PDLIM2: variants seen among roughly 807,000 people sequenced by gnomAD.
PDLIM2 encodes PDZ and LIM domain 2, also known as PDZ and LIM domain protein 2.
In PDLIM2, 51 loss-of-function variants were observed where a neutral mutation model predicts 54.1. That is an observed-to-expected ratio of 0.94 (90% confidence interval 0.75 to 1.19). The LOEUF (loss-of-function observed/expected upper bound fraction) is 1.19. Ranked by LOEUF, PDLIM2 falls within the 50% of genes most tolerant of loss-of-function variation. The pLI is 0.00. For missense variants in PDLIM2, 912 were observed against 874.0 expected, an observed-to-expected ratio of 1.04 and a Z score of -0.55; for synonymous variants, 398 against 385.6, an observed-to-expected ratio of 1.03 and a Z score of -0.38.
At chr8:22,589,113 C>T (rs932470313) in intron 6 of PDLIM2, 185 bp from the exon 6 acceptor site, 7 of 511,768 alleles carry the variant, frequency 1.4e-5, no homozygotes, top group Admixed American at 1.4e-4. Context: ...GCAGGGGGCC[C>T]GCTGGTCGGC....
chr8:22,593,952 C>G, exon 10 of PDLIM2: 1 of 1,534,164 alleles, frequency 6.5e-7, no homozygotes, highest in Admixed American at 2.0e-5. Flanking sequence ...GGGCCAGGGT[C>G]ATGCCTATAT....
chr8:22,579,676 C>A, intron 1 of PDLIM2: 1 of 989,728 alleles, frequency 1.0e-6, no homozygotes, highest in Non-Finnish European at 1.4e-6. Context: ...TCTCGCAGCA[C>A]TTGCGTCCCC....
intron 6 of PDLIM2, chr8:22,588,911 C>G (rs1800451323): frequency 3.3e-6 from 1 of 303,118 alleles, no homozygotes; most frequent in South Asian, 3.7e-5. Context: ...TTCCTCTCTG[C>G]TGGTTCCGTG....
chr8:22,594,747 C>A, downstream of PDLIM2: 2 of 1,481,600 alleles, frequency 1.3e-6, no homozygotes, highest in Non-Finnish European at 1.8e-6. Flanking sequence ...CTGGGAGAGA[C>A]TGCTGGCTTC....
At chr8:22,591,855 G>C in intron 9 of PDLIM2, 187 bp downstream of exon 8, 4 of 527,988 alleles carry the variant, frequency 7.6e-6, no homozygotes, top group Non-Finnish European at 1.3e-5. Flanking sequence ...TAGGAGCCTA[G>C]GCTAGCTGCT....
At position 22,589,581 on chromosome 8, in the gene PDLIM2, C is replaced by A; in HGVS notation, c.1368-15C>A. 1 of 1,599,436 alleles carries A rather than the reference C, an allele frequency of 6.3e-7. No homozygotes were observed. Among genetic ancestry groups the A allele is most frequent in the Non-Finnish European group, 8.5e-7 (1 of 1,173,554 alleles). On this transcript the variant is annotated splice_polypyrimidine_tract_variant and intron_variant, in intron 7 of 9. Coordinates refer to ENST00000308354, the Ensembl canonical transcript of PDLIM2. ...GGCACGGGACCCTCATTCCTGGCTG[C>A]CTCCCACCCTGCAGCATGGACTCGG... is the stretch of plus-strand genomic sequence containing the variant.
exon 1 of PDLIM2, chr8:22,579,177 C>G (rs1800116414): frequency 1.5e-6 from 2 of 1,366,530 alleles, no homozygotes; most frequent in Non-Finnish European, 1.9e-6. Flanking sequence ...CCCGCCTTCC[C>G]TCCCTCCCGG....
exon 1 of PDLIM2, chr8:22,579,177 C>A: frequency 7.3e-7 from 1 of 1,366,530 alleles, no homozygotes; most frequent in Non-Finnish European, 9.4e-7. Context: ...CCCGCCTTCC[C>A]TCCCTCCCGG....
intron 2 of PDLIM2, 174 bp from the exon 2 acceptor site, chr8:22,581,205 C>T (rs536390377): frequency 1.4e-4 from 114 of 790,512 alleles, no homozygotes; most frequent in Admixed American, 2.6e-4. Context: ...CTGCCACCTG[C>T]GCTCCTGGAG....
chr8:22,594,558 G>T, downstream of PDLIM2: 1 of 1,614,122 alleles, frequency 6.2e-7, no homozygotes, highest in South Asian at 1.1e-5. Context: ...GAGGGAATGA[G>T]ATTGTCACTG....
rs3735892 is a variant in PDLIM2, at chr8:22,580,470, A to G, written c.749-133A>G. ...GTTAGCCACTTCCTCTACCCACCCCAAAGCCCCTGAGTAGCTGCTCCGGGA... is the reference window on the plus strand; with the variant it reads ...GTTAGCCACTTCCTCTACCCACCCCGAAGCCCCTGAGTAGCTGCTCCGGGA... On this transcript the variant is annotated intron_variant, in intron 1 of 9. Transcript: ENST00000308354. 3.6e-3 allele frequency: 5,527 copies of G among 1,538,248 alleles called. 120 individuals carry two copies. In the Admixed American group the frequency reaches 0.051, roughly 14 times the overall value.
chr8:22,594,520 C>T (rs759295809), downstream of PDLIM2: 120 of 1,613,764 alleles, frequency 7.4e-5, no homozygotes, highest in Non-Finnish European at 8.8e-5. Context: ...TAAAGATGCC[C>T]GTTTTACAGG....
At chr8:22,585,431 G>A (rs1217719686) in intron 6 of PDLIM2, 32 bp downstream of exon 5, 2 of 1,575,088 alleles carry the variant, frequency 1.3e-6, no homozygotes, top group South Asian at 2.3e-5. Context: ...CAGGCTGGAG[G>A]AACAGAAGCA....
At chr8:22,584,258 C>T (rs1217796155) in intron 3 of PDLIM2, among the ~76,000 whole-genome samples, 3 of 151,778 alleles carry the variant, frequency 2.0e-5, no homozygotes, top group Non-Finnish European at 4.4e-5. Context: ...AAGAGATTCA[C>T]CCTCCTTGGC....
chr8:22,595,300 G>A (rs1800661783), downstream of PDLIM2: 1 of 152,238 alleles, frequency 6.6e-6, no homozygotes, highest in Non-Finnish European at 1.5e-5. Flanking sequence ...CCTGAGAAAG[G>A]TCTTTCTTTT....
At chr8:22,581,699 G>A (rs1159264863) in intron 3 of PDLIM2, among the ~76,000 whole-genome samples, 169 bp downstream of exon 2, 1 of 152,242 alleles carries the variant, frequency 6.6e-6, no homozygotes, top group African/African-American at 2.4e-5. Context: ...CCTGCAGCAG[G>A]GTGGGCTGAG....
In PDLIM2 at chr8:22,581,588, A is replaced by T. The variant is rs1416523257; in HGVS notation, c.995+58A>T. Reference sequence around the variant, plus strand: ...TTCCCCCTCCTCCACCACCCCACGTATTGAGCAGCCCTTGCTCCTGCCCAT... The same window carrying T: ...TTCCCCCTCCTCCACCACCCCACGTTTTGAGCAGCCCTTGCTCCTGCCCAT... On this transcript the variant is annotated intron_variant, in intron 3 of 9. Coordinates refer to ENST00000308354, the Ensembl canonical transcript of PDLIM2. 4.0e-6 allele frequency: 6 copies of T among 1,516,218 alleles called. No homozygotes were observed. The Admixed American group carries it at 1.2e-4, about 30-fold the overall frequency. The allele number at this position is 1,516,218 out of a possible 1,614,324, so 93.9% of individuals were successfully genotyped here.
At chr8:22,591,646 G>A in exon 9 of PDLIM2, 5 of 1,612,946 alleles carry the variant, frequency 3.1e-6, no homozygotes, top group Non-Finnish European at 4.2e-6. Flanking sequence ...CCACACTTGT[G>A]AGAAGTGCAG....
chr8:22,587,450 A>G (rs1800410816), intron 6 of PDLIM2, among the ~76,000 whole-genome samples: 1 of 152,156 alleles, frequency 6.6e-6, no homozygotes, highest in Non-Finnish European at 1.5e-5. Flanking sequence ...TTTTCTTTAT[A>G]TCCTAAACTT....
Sources: gnomAD v4.1 joint callset for allele counts (sites outside exome capture counted in the v4.1 genomes callset) on GRCh38, gnomAD v4.1.1 for gene constraint, MANE v1.5 for transcripts, NCBI Gene and HGNC (gene_info 2026-07-23, HGNC 2026-07-21) for gene names.